The following GPR158 variants were observed in gnomAD, a reference collection of about 807,000 sequenced individuals.
GPR158 encodes G protein-coupled receptor 158, also known as metabotropic glycine receptor.
GPR158 carries 30 observed loss-of-function variants against 78.2 expected under a neutral mutation model. The observed-to-expected ratio is 0.38, with a 90% CI of 0.29 to 0.52. GPR158 has a LOEUF of 0.52. Among genes scored for constraint, GPR158 ranks in the 20% least tolerant of loss-of-function variants. The pLI, the probability that GPR158 is intolerant of heterozygous loss-of-function variation, is 0.83. For synonymous variants in GPR158, 581 were observed against 591.1 expected (o/e 0.98, Z 0.25); for missense variants, 1,463 against 1,523.5 (o/e 0.96, Z 0.66).
At chr10:25,484,324 A>G (rs1379118652) in intron 5 of GPR158, among the ~76,000 whole-genome samples, 1 of 152,220 alleles carries the variant, frequency 6.6e-6, no homozygotes, top group Admixed American at 6.6e-5. Flanking sequence ...CTTCTCAGTG[A>G]AAGGAAGTTA....
At chr10:25,304,846 G>T (rs1165046237) in intron 2 of GPR158, among the ~76,000 whole-genome samples, 2 of 152,152 alleles carry the variant, frequency 1.3e-5, no homozygotes, top group African/African-American at 4.8e-5. Flanking sequence ...AAGCCTATAA[G>T]GGATGATACT....
chr10:25,353,506 A>C (rs1855503991), intron 2 of GPR158, among the ~76,000 whole-genome samples: 1 of 152,064 alleles, frequency 6.6e-6, no homozygotes, highest in Non-Finnish European at 1.5e-5. Context: ...AATTGGGATC[A>C]AAGCCTAAAA....
intron 2 of GPR158, among the ~76,000 whole-genome samples, chr10:25,233,188 T>C (rs750177275): frequency 2.0e-5 from 3 of 152,224 alleles, no homozygotes; most frequent in Non-Finnish European, 4.4e-5. Context: ...TTATTCTAAA[T>C]ATGTGGGTAT....
intron 2 of GPR158, among the ~76,000 whole-genome samples, chr10:25,381,762 CTTATT>C (rs1051870481): frequency 1.6e-4 from 25 of 152,198 alleles, no homozygotes; most frequent in African/African-American, 5.3e-4. Context: ...TTCATATTAA[CTTATT>C]TTGTTTAGCA....
chr10:25,324,038 G>T (rs541617803), intron 2 of GPR158, among the ~76,000 whole-genome samples: 8 of 152,196 alleles, frequency 5.3e-5, no homozygotes, highest in African/African-American at 1.9e-4. Flanking sequence ...ACAGATCAAG[G>T]GAATGTCATG....
intron 2 of GPR158, among the ~76,000 whole-genome samples, chr10:25,318,482 C>T (rs1030749120): frequency 7.9e-5 from 12 of 151,896 alleles, no homozygotes; most frequent in Admixed American, 5.2e-4. Context: ...CCCTTCATTC[C>T]GTTCTTCTTT....
At chr10:25,222,231 T>C (rs1303769024) in intron 2 of GPR158, among the ~76,000 whole-genome samples, 1 of 151,754 alleles carries the variant, frequency 6.6e-6, no homozygotes, top group African/African-American at 2.4e-5. Context: ...CCAACTATCT[T>C]TTCACTGTTT....
intron 6 of GPR158, among the ~76,000 whole-genome samples, chr10:25,559,397 T>C (rs1325750731): frequency 1.3e-4 from 20 of 152,246 alleles, no homozygotes; most frequent in Admixed American, 1.3e-3. Flanking sequence ...AGTAAATTGA[T>C]ACAGCTCATC....
At chr10:25,461,179 A>G (rs1183177605) in intron 4 of GPR158, among the ~76,000 whole-genome samples, 1 of 152,134 alleles carries the variant, frequency 6.6e-6, no homozygotes. Flanking sequence ...GTCACATATC[A>G]CTCACTTTAA....
rs543867483 is a variant in GPR158 at position 25,429,119 on chromosome 10, A to T, written c.1335+16646A>T. ...TACTATATCTGTCCAAGATATATTGAATTTACTGGGAGTTATCTCATTGCA... is the reference window on the plus strand; with the variant it reads ...TACTATATCTGTCCAAGATATATTGTATTTACTGGGAGTTATCTCATTGCA... On this transcript the variant is annotated intron_variant, in intron 4 of 10. Transcript: ENST00000376351. 2.6e-5 allele frequency among the ~76,000 whole-genome samples: 4 copies of T among 152,156 alleles called. No homozygotes were observed. In the South Asian group the frequency reaches 8.3e-4, roughly 32 times the overall value.
intron 1 of GPR158, among the ~76,000 whole-genome samples, chr10:25,189,788 A>T (rs189956851): frequency 0.036 from 5,233 of 144,326 alleles, 293 homozygotes; most frequent in African/African-American, 0.12. Flanking sequence ...AGTATAATTT[A>T]AAAAAAAAAC....
intron 2 of GPR158, among the ~76,000 whole-genome samples, chr10:25,307,363 G>C (rs7912200): frequency 7.1e-6 from 1 of 140,924 alleles, no homozygotes. Context: ...CCATACTCTC[G>C]TGTATTTTAA....
At chr10:25,451,977 T>G (rs919940285) in intron 4 of GPR158, among the ~76,000 whole-genome samples, 2 of 152,146 alleles carry the variant, frequency 1.3e-5, no homozygotes. Flanking sequence ...TCTAGATGGA[T>G]GTATTTCCCC....
At chr10:25,592,400 G>A (rs1224723068) in intron 8 of GPR158, among the ~76,000 whole-genome samples, 1 of 151,870 alleles carries the variant, frequency 6.6e-6, no homozygotes, top group South Asian at 2.1e-4. Context: ...CTTTGGGAAA[G>A]CACAAGACTT....
intron 4 of GPR158, among the ~76,000 whole-genome samples, chr10:25,452,104 C>A (rs1205870655): frequency 6.6e-6 from 1 of 152,034 alleles, no homozygotes; most frequent in African/African-American, 2.4e-5. Context: ...GTGGTGTGGA[C>A]ATAGCTCACT....
chr10:25,463,532 G>A (rs180721536), intron 4 of GPR158, among the ~76,000 whole-genome samples: 28 of 152,220 alleles, frequency 1.8e-4, no homozygotes, highest in Non-Finnish European at 4.0e-4. Context: ...GTCATACTGC[G>A]TATTACTGAT....
intron 4 of GPR158, among the ~76,000 whole-genome samples, chr10:25,454,964 G>A (rs915901074): frequency 6.6e-5 from 10 of 152,034 alleles, no homozygotes; most frequent in Admixed American, 2.0e-4. Flanking sequence ...AAGGCAGTTG[G>A]TCAACAAAAT....
chr10:25,531,733 GA>G (rs1428799387), intron 5 of GPR158, among the ~76,000 whole-genome samples: 1 of 152,186 alleles, frequency 6.6e-6, no homozygotes, highest in African/African-American at 2.4e-5. Flanking sequence ...AATCTTTAAG[GA>G]ATAAATATAG....
intron 1 of GPR158, among the ~76,000 whole-genome samples, chr10:25,178,178 A>G (rs1474732897): frequency 1.3e-5 from 2 of 152,076 alleles, no homozygotes; most frequent in Admixed American, 1.3e-4. Flanking sequence ...TCTCTATTTT[A>G]CAGAAAAGGA....
Sources: allele counts gnomAD v4.1 joint callset (sites outside exome capture counted in the v4.1 genomes callset), GRCh38; gene constraint gnomAD v4.1.1; transcripts MANE v1.5; gene names NCBI Gene and HGNC (gene_info 2026-07-23, HGNC 2026-07-21).